Variants in HNF4A observed in about 807,000 individuals in gnomAD.
The protein encoded by HNF4A is hepatocyte nuclear factor 4-alpha.
HNF4A carries 15 observed loss-of-function variants against 52.4 expected under a neutral mutation model. The observed-to-expected ratio is 0.29, with a 90% confidence interval of 0.19 to 0.44. The LOEUF (loss-of-function observed/expected upper bound fraction) is 0.44. Among genes scored for constraint, HNF4A ranks in the 20% least tolerant of loss-of-function variants. HNF4A has a pLI of 1.00. For missense variants in HNF4A, 479 were observed against 647.2 expected, an observed-to-expected ratio of 0.74 and a Z score of 2.82; for synonymous variants, 280 against 264.4, an observed-to-expected ratio of 1.06 and a Z score of -0.57.
In HNF4A at chr20:44,413,814, C is replaced by G; in HGVS notation, c.492+14C>G. 2.6e-6 allele frequency: 4 copies of G among 1,561,776 alleles called. No individual in the cohort carries two copies. The highest frequency in any genetic ancestry group is 3.5e-6 in the Non-Finnish European group (4 of 1,135,266). On this transcript the variant is annotated intron_variant, in intron 4 of 9. Transcript: ENST00000316099. ...CTGTCCCGACAGGTACCGGGGTGAT[C>G]CTGCCACCCACCCAGGGATCCCCCA... is the stretch of plus-strand genomic sequence containing the variant.
chr20:44,383,459 T>C (rs1346104761), intron 1 of HNF4A, among the ~76,000 whole-genome samples: 1 of 152,000 alleles, frequency 6.6e-6, no homozygotes, highest in Non-Finnish European at 1.5e-5. Context: ...ATTGGTACAC[T>C]CAGCCTCAAT....
chr20:44,415,201 T>A (rs1257303102), intron 5 of HNF4A, among the ~76,000 whole-genome samples: 1 of 152,040 alleles, frequency 6.6e-6, no homozygotes, highest in Non-Finnish European at 1.5e-5. Context: ...TAGAGTGTGG[T>A]TGGGAGGATT....
chr20:44,369,040 G>A (rs181507457), intron 1 of HNF4A, among the ~76,000 whole-genome samples: 3 of 151,266 alleles, frequency 2.0e-5, no homozygotes, highest in Non-Finnish European at 4.4e-5. Flanking sequence ...AAGGTCAGGA[G>A]TTCGAGACCA....
chr20:44,362,372 G>T (rs1044968434), intron 1 of HNF4A, among the ~76,000 whole-genome samples: 1 of 146,190 alleles, frequency 6.8e-6, no homozygotes, highest in Non-Finnish European at 1.5e-5. Flanking sequence ...GTGAGCCGAG[G>T]TTGTACCACT....
At chr20:44,361,904 A>C (rs2062921343) in intron 1 of HNF4A, among the ~76,000 whole-genome samples, 1 of 152,132 alleles carries the variant, frequency 6.6e-6, no homozygotes, top group Non-Finnish European at 1.5e-5. Context: ...CTGATATCTA[A>C]GCTGGAACCT....
At chr20:44,411,790 G>A (rs1025243775) in intron 3 of HNF4A, among the ~76,000 whole-genome samples, 13 of 152,092 alleles carry the variant, frequency 8.5e-5, no homozygotes, top group African/African-American at 3.1e-4. Flanking sequence ...ACCAGGTGTG[G>A]TGCCTCGCAC....
Position 44,432,813 on chromosome 20 carries a change from T to C in HNF4A, c.*3148T>C, listed in dbSNP as rs548993228. On this transcript the variant is annotated 3_prime_UTR_variant, in exon 10 of 10. Coordinates refer to ENST00000316099, the MANE Select transcript of HNF4A (RefSeq NM_000457.6). ...TCTTCTGTGTTTTAACAAAAGTTTATAAAACAAAATAAATGGCGCATATGT... is the reference window on the plus strand; with the variant it reads ...TCTTCTGTGTTTTAACAAAAGTTTACAAAACAAAATAAATGGCGCATATGT... 5.9e-5 allele frequency: 9 copies of C among 152,298 alleles called. No individual in the cohort carries two copies. The East Asian group carries it at 1.7e-3, about 29-fold the overall frequency. 9.4% of individuals were successfully genotyped at this position (152,298 alleles called of 1,614,324 possible). A position where few individuals can be genotyped will look rare whatever the true frequency, so the allele number is the denominator to read the frequency against.
At chr20:44,400,558 TG>T (rs1568715343), upstream of HNF4A, among the ~76,000 whole-genome samples, 2 of 115,478 alleles carry the variant, frequency 1.7e-5, no homozygotes, top group African/African-American at 6.8e-5. Flanking sequence ...CGGGAGGGGG[TG>T]GGGGTGAGGG....
chr20:44,382,232 T>G (rs1337054689), intron 1 of HNF4A, among the ~76,000 whole-genome samples: 1 of 116,202 alleles, frequency 8.6e-6, no homozygotes, highest in Non-Finnish European at 1.9e-5. Context: ...TAGCTTTCTT[T>G]CTTTCTTTCT....
chr20:44,385,174 T>C (rs2063208123), intron 1 of HNF4A, among the ~76,000 whole-genome samples: 1 of 144,796 alleles, frequency 6.9e-6, no homozygotes, highest in African/African-American at 2.6e-5. Context: ...TAGGGAAGGG[T>C]AATAATTGGA....
intron 9 of HNF4A, 107 bp downstream of exon 9, chr20:44,428,594 C>G: frequency 8.8e-7 from 1 of 1,140,328 alleles, no homozygotes; most frequent in South Asian, 1.3e-5. Flanking sequence ...CAACAGTTTT[C>G]TGGGTTCCAG....
At chr20:44,363,036 A>G (rs370308416) in intron 1 of HNF4A, among the ~76,000 whole-genome samples, 25 of 151,684 alleles carry the variant, frequency 1.6e-4, no homozygotes, top group African/African-American at 5.8e-4. Flanking sequence ...TTTTATTTTT[A>G]GTAGAGATGG....
chr20:44,405,193 G>T (rs957170031), intron 1 of HNF4A, among the ~76,000 whole-genome samples: 1 of 152,106 alleles, frequency 6.6e-6, no homozygotes, highest in Non-Finnish European at 1.5e-5. Flanking sequence ...CTTCTTCAAA[G>T]GGGTCTATCT....
intron 1 of HNF4A, among the ~76,000 whole-genome samples, chr20:44,374,805 G>A (rs1238905252): frequency 6.6e-6 from 1 of 152,164 alleles, no homozygotes; most frequent in African/African-American, 2.4e-5. Context: ...GAACATATAA[G>A]TGCATGTGTC....
At chr20:44,401,941 G>A (rs1444418161) in intron 1 of HNF4A, among the ~76,000 whole-genome samples, 16 of 152,116 alleles carry the variant, frequency 1.1e-4, no homozygotes, top group Admixed American at 1.0e-3. Flanking sequence ...CGCATTTCTC[G>A]GTGTCTTTGG....
At position 44,429,535 on chromosome 20, in the gene HNF4A, C is replaced by T. The variant is rs1313425622; in HGVS notation, c.1295C>T (p.Thr432Ile). Reference sequence around the variant, plus strand: ...TTTGTCCTTCCAGCCACCCCTGAGACCCCACAGCCCTCACCGCCAGGTGGC... The same window carrying T: ...TTTGTCCTTCCAGCCACCCCTGAGATCCCACAGCCCTCACCGCCAGGTGGC... The change falls in exon 10 of 10, where the codon ACC becomes ATC. Residue 432 changes from threonine (T) to isoleucine (I), a missense_variant. This residue lies in a region of HNF4A where 389 missense variants were observed against 525.1 expected (regional missense o/e 0.74). Transcript: ENST00000316099. The T allele has an allele frequency of 6.2e-7, 1 of 1,614,104 alleles. No individual in the cohort carries two copies. Among genetic ancestry groups the T allele is most frequent in the Admixed American group, 1.7e-5 (1 of 60,008 alleles).
intron 1 of HNF4A, among the ~76,000 whole-genome samples, chr20:44,391,073 G>A (rs535066390): frequency 1.4e-4 from 22 of 152,232 alleles, no homozygotes; most frequent in African/African-American, 5.3e-4. Context: ...GAAAACAATC[G>A]GTTAAAATCT....
chr20:44,416,264 C>T (rs1045748204), intron 5 of HNF4A, among the ~76,000 whole-genome samples: 6 of 152,204 alleles, frequency 3.9e-5, no homozygotes, highest in African/African-American at 1.4e-4. Context: ...CTGGGAAAGT[C>T]GGGGGCATTG....
At chr20:44,413,595 A>AC in intron 3 of HNF4A, 99 bp from the exon 4 acceptor site, 1 of 748,850 alleles carries the variant, frequency 1.3e-6, no homozygotes, top group South Asian at 1.5e-5. Context: ...TTCTCTGGAC[A>AC]CCCCCCACCT....
Sources: gnomAD v4.1 joint callset for allele counts (sites outside exome capture counted in the v4.1 genomes callset) on GRCh38, gnomAD v4.1.1 for gene constraint, gnomAD v4.1.1 regional missense constraint, MANE v1.5 for transcripts, NCBI Gene and HGNC (gene_info 2026-07-23, HGNC 2026-07-21) for gene names.